The following NREP variants were observed in gnomAD, a reference collection of about 807,000 sequenced individuals.
NREP encodes neuronal regeneration related protein, also known as neuronal regeneration-related protein.
Under a neutral mutation model 8.6 loss-of-function variants are expected in NREP, and 5 were observed. The observed-to-expected ratio is 0.58, with a 90% CI of 0.30 to 1.22. NREP has a LOEUF of 1.22. Ranked by LOEUF, NREP falls within the 50% of genes most tolerant of loss-of-function variation. The pLI, the probability that NREP is intolerant of heterozygous loss-of-function variation, is 0.07. For missense variants in NREP, 86 were observed against 82.5 expected, an observed-to-expected ratio of 1.04 and a Z score of -0.17; for synonymous variants, 27 against 28.0, an observed-to-expected ratio of 0.96 and a Z score of 0.11.
At chr5:111,892,643 T>G (rs488291) in intron 2 of NREP, among the ~76,000 whole-genome samples, 1 of 152,136 alleles carries the variant, frequency 6.6e-6, no homozygotes, top group African/African-American at 2.4e-5. Context: ...AAAAAGGGAG[T>G]GAATGCCTGA....
At chr5:111,833,218 AC>A (rs1278632120) in intron 2 of NREP, among the ~76,000 whole-genome samples, 1 of 152,212 alleles carries the variant, frequency 6.6e-6, no homozygotes. Context: ...ACTTTTAGTT[AC>A]TCAAGGAAAA....
chr5:111,965,880 C>G (rs1308983558), intron 2 of NREP, among the ~76,000 whole-genome samples: 1 of 151,924 alleles, frequency 6.6e-6, no homozygotes. Flanking sequence ...TAAGTAGGAC[C>G]AGTTATTCTT....
intron 2 of NREP, among the ~76,000 whole-genome samples, chr5:111,753,935 G>A (rs1330595161): frequency 2.6e-5 from 4 of 151,182 alleles, no homozygotes; most frequent in African/African-American, 9.7e-5. Flanking sequence ...TATGTGCAAA[G>A]ACTTTTAAGA....
At chr5:111,884,142 A>G (rs1209733849) in intron 2 of NREP, among the ~76,000 whole-genome samples, 1 of 152,082 alleles carries the variant, frequency 6.6e-6, no homozygotes, top group Non-Finnish European at 1.5e-5. Context: ...TAAAGGGGAT[A>G]TCACCACCGA....
At chr5:111,734,853 AGTT>A (rs1210074848) in intron 3 of NREP, 1 of 482,622 alleles carries the variant, frequency 2.1e-6, no homozygotes, top group Non-Finnish European at 3.7e-6. Flanking sequence ...ACTGGTAAGT[AGTT>A]GTTATTGTTT....
intron 2 of NREP, among the ~76,000 whole-genome samples, chr5:111,819,839 A>C (rs1284528425): frequency 6.6e-6 from 1 of 152,230 alleles, no homozygotes; most frequent in African/African-American, 2.4e-5. Flanking sequence ...GCACTTAGGA[A>C]TACTTGACAG....
intron 2 of NREP, among the ~76,000 whole-genome samples, chr5:111,828,555 T>G (rs766964539): frequency 6.6e-6 from 1 of 152,136 alleles, no homozygotes; most frequent in Non-Finnish European, 1.5e-5. Flanking sequence ...TCAGCTTAAT[T>G]TCACACTTAA....
At chr5:111,937,267 G>C (rs773510538) in intron 2 of NREP, among the ~76,000 whole-genome samples, 19 of 152,048 alleles carry the variant, frequency 1.2e-4, no homozygotes, top group Non-Finnish European at 2.2e-4. Flanking sequence ...TAACACCCTA[G>C]AGTCCAGGGG....
At chr5:111,760,029 T>C (rs1750926433), upstream of NREP, among the ~76,000 whole-genome samples, 3 of 152,242 alleles carry the variant, frequency 2.0e-5, no homozygotes, top group Non-Finnish European at 2.9e-5. Context: ...TAATTATCCC[T>C]AAGCCATTAC....
chr5:111,734,689 T>G (rs376493727), intron 3 of NREP: 7 of 699,478 alleles, frequency 1.0e-5, no homozygotes, highest in Non-Finnish European at 1.0e-5. Context: ...ATTACACTTA[T>G]GAAACTTTCA....
intron 2 of NREP, among the ~76,000 whole-genome samples, chr5:111,754,169 A>G (rs1414010014): frequency 6.6e-6 from 1 of 152,126 alleles, no homozygotes; most frequent in Admixed American, 6.5e-5. Flanking sequence ...ATAAACGACA[A>G]CTGCAAAAAA....
chr5:111,759,086 C>T (rs1750894828), upstream of NREP, among the ~76,000 whole-genome samples: 2 of 152,262 alleles, frequency 1.3e-5, no homozygotes, highest in East Asian at 1.9e-4. Context: ...CAGGGAAGTA[C>T]TGGAAGGAAG....
At chr5:111,944,207 A>G (rs1343337577) in intron 2 of NREP, among the ~76,000 whole-genome samples, 1 of 152,078 alleles carries the variant, frequency 6.6e-6, no homozygotes, top group East Asian at 1.9e-4. Context: ...TGAAATTTAA[A>G]TCTTCCTTGG....
intron 2 of NREP, among the ~76,000 whole-genome samples, chr5:111,824,383 T>C (rs911555772): frequency 6.6e-6 from 1 of 152,018 alleles, no homozygotes; most frequent in African/African-American, 2.4e-5. Flanking sequence ...AATAAATAAA[T>C]AAATAAAAAA....
chr5:111,801,788 T>C (rs986473478), intron 2 of NREP, among the ~76,000 whole-genome samples: 1 of 152,252 alleles, frequency 6.6e-6, no homozygotes, highest in African/African-American at 2.4e-5. Flanking sequence ...AGTTTTATAC[T>C]TCTTATAATA....
intron 2 of NREP, among the ~76,000 whole-genome samples, chr5:111,919,014 G>T (rs1364719584): frequency 5.9e-5 from 9 of 151,838 alleles, no homozygotes; most frequent in African/African-American, 2.2e-4. Flanking sequence ...GAATCTACAG[G>T]GACTTAAAAC....
chr5:111,840,824 CA>C (rs1753012140), intron 2 of NREP, among the ~76,000 whole-genome samples: 1 of 151,988 alleles, frequency 6.6e-6, no homozygotes, highest in Non-Finnish European at 1.5e-5. Flanking sequence ...ATGAACCAAA[CA>C]AAATAGGTCT....
chr5:111,751,535 T>A (rs1750360851), intron 2 of NREP, among the ~76,000 whole-genome samples: 1 of 152,246 alleles, frequency 6.6e-6, no homozygotes, highest in African/African-American at 2.4e-5. Context: ...TAAGAATTTA[T>A]GATTAACCTG....
chr5:111,973,074 G>A (rs2112675156), intron 2 of NREP, among the ~76,000 whole-genome samples: 2 of 152,236 alleles, frequency 1.3e-5, no homozygotes, highest in East Asian at 3.9e-4. Flanking sequence ...CAGTTCCTGG[G>A]AATTAAGTAG....
Sources: allele counts gnomAD v4.1 joint callset (sites outside exome capture counted in the v4.1 genomes callset), GRCh38; gene constraint gnomAD v4.1.1; transcripts MANE v1.5; gene names NCBI Gene and HGNC (gene_info 2026-07-23, HGNC 2026-07-21).